FAM135B: variants seen among roughly 807,000 people sequenced by gnomAD.
The protein encoded by FAM135B is protein FAM135B.
In FAM135B, 43 loss-of-function variants were observed where a neutral mutation model predicts 127.7. The ratio of observed to expected loss-of-function variants is 0.34; its 90% CI spans 0.26 to 0.43. The LOEUF (loss-of-function observed/expected upper bound fraction) is 0.43. FAM135B is among the 20% of genes least tolerant of loss of function. The pLI is 1.00. For missense variants in FAM135B, 1,558 were observed against 1,725.6 expected, an observed-to-expected ratio of 0.90 and a Z score of 1.72; for synonymous variants, 670 against 665.1, an observed-to-expected ratio of 1.01 and a Z score of -0.11.
chr8:138,330,538 C>T (rs1415554390), intron 2 of FAM135B, among the ~76,000 whole-genome samples: 1 of 152,148 alleles, frequency 6.6e-6, no homozygotes, highest in Non-Finnish European at 1.5e-5. Flanking sequence ...AATCACTGCC[C>T]TGTGCTGCCG....
chr8:138,132,793 C>G lies in FAM135B; in HGVS notation c.4021G>C (p.Val1341Leu), dbSNP rs2130490513. 1 of 1,613,990 alleles carries G rather than the reference C, an allele frequency of 6.2e-7. No homozygotes were observed. Among genetic ancestry groups the G allele is most frequent in the South Asian group, 1.1e-5 (1 of 91,084 alleles). Reference sequence around the variant, plus strand: ...AGGTTGTTGATCATTTCTGCATAAACTGGCCCTGTAAAGTGGGGAAGAAGG... The same window carrying G: ...AGGTTGTTGATCATTTCTGCATAAAGTGGCCCTGTAAAGTGGGGAAGAAGG... ...TALKDRHTGPVYAEMINNLLG... is the reference protein window; with the variant it reads ...TALKDRHTGPLYAEMINNLLG... Residue 1341 changes from valine to leucine, a missense_variant, in exon 20 of 20, where the codon GTT (valine) becomes CTT (leucine). Physicochemically the swap from Val to Leu is conservative, Grantham distance 32 (BLOSUM62 1). This residue lies in a region of FAM135B where 194 missense variants were observed against 333.8 expected (regional missense o/e 0.58). Transcript: ENST00000395297. This position sits in a 1 kb window ranked among gnomAD's most constrained non-coding sequence, Gnocchi z 4.5.
chr8:138,145,395 T>C (rs920244211), intron 15 of FAM135B, among the ~76,000 whole-genome samples: 1 of 152,174 alleles, frequency 6.6e-6, no homozygotes, highest in African/African-American at 2.4e-5. Context: ...GGAGATCATA[T>C]ATAGTATCCT....
chr8:138,244,048 AGG>A (rs1364993636), intron 6 of FAM135B, among the ~76,000 whole-genome samples: 1 of 152,216 alleles, frequency 6.6e-6, no homozygotes, highest in Non-Finnish European at 1.5e-5. Context: ...CAAGAGATCC[AGG>A]TTCCTGCTTA....
At chr8:138,399,147 T>G (rs1028225460) in intron 1 of FAM135B, among the ~76,000 whole-genome samples, 3 of 152,194 alleles carry the variant, frequency 2.0e-5, no homozygotes, top group Non-Finnish European at 4.4e-5. Flanking sequence ...TTTTTTTCCC[T>G]GGGACAGTCT....
At chr8:138,270,972 C>A (rs6577903) in intron 3 of FAM135B, among the ~76,000 whole-genome samples, 3 of 152,014 alleles carry the variant, frequency 2.0e-5, no homozygotes, top group African/African-American at 7.2e-5. Context: ...TTCTAAAGAC[C>A]TATGCTTCAA....
chr8:138,420,043 A>G (rs1834399269), intron 1 of FAM135B, among the ~76,000 whole-genome samples: 1 of 152,142 alleles, frequency 6.6e-6, no homozygotes, highest in African/African-American at 2.4e-5. Flanking sequence ...AAAGATCAAC[A>G]AAACCAAAAT....
intron 2 of FAM135B, among the ~76,000 whole-genome samples, chr8:138,311,335 C>A (rs1447981664): frequency 6.6e-6 from 1 of 152,220 alleles, no homozygotes; most frequent in Non-Finnish European, 1.5e-5. Flanking sequence ...ACAAAAACCA[C>A]TTCCTTTAGT....
At chr8:138,460,441 A>G (rs1354064743) in intron 1 of FAM135B, among the ~76,000 whole-genome samples, 1 of 152,164 alleles carries the variant, frequency 6.6e-6, no homozygotes, top group African/African-American at 2.4e-5. Context: ...GGAAGTGAAG[A>G]TAAAGGGACA....
intron 1 of FAM135B, among the ~76,000 whole-genome samples, chr8:138,436,282 G>GA (rs1165882704): frequency 6.6e-6 from 1 of 152,084 alleles, no homozygotes; most frequent in African/African-American, 2.4e-5. Flanking sequence ...ATAAATTGCT[G>GA]AAAAAAATCA....
At chr8:138,375,266 A>G (rs191503228) in intron 1 of FAM135B, among the ~76,000 whole-genome samples, 1 of 152,280 alleles carries the variant, frequency 6.6e-6, no homozygotes, top group Admixed American at 6.5e-5. Flanking sequence ...TTTTGTCAAA[A>G]ATCAAATTCC....
chr8:138,160,534 A>T (rs571480900), intron 12 of FAM135B, among the ~76,000 whole-genome samples: 2 of 149,258 alleles, frequency 1.3e-5, no homozygotes, highest in Admixed American at 6.7e-5. Context: ...GATTACAGGC[A>T]CATGCCACCA....
intron 7 of FAM135B, among the ~76,000 whole-genome samples, chr8:138,199,937 G>A (rs914502985): frequency 6.6e-6 from 1 of 152,184 alleles, no homozygotes; most frequent in Non-Finnish European, 1.5e-5. Context: ...GGGACACAGA[G>A]CCAAACCCTA....
intron 7 of FAM135B, among the ~76,000 whole-genome samples, chr8:138,224,042 T>G (rs1586817424): frequency 6.7e-6 from 1 of 149,702 alleles, no homozygotes. Context: ...AGGACGGGGG[T>G]GGGGGGCAAG....
intron 7 of FAM135B, among the ~76,000 whole-genome samples, chr8:138,206,319 C>T (rs1417819831): frequency 6.6e-6 from 1 of 151,494 alleles, no homozygotes; most frequent in African/African-American, 2.4e-5. Flanking sequence ...CTACCCACAG[C>T]TCTATCATCC....
intron 2 of FAM135B, among the ~76,000 whole-genome samples, chr8:138,348,064 A>G (rs1372955493): frequency 6.6e-6 from 1 of 151,178 alleles, no homozygotes; most frequent in Non-Finnish European, 1.5e-5. Context: ...TCATGTTCCA[A>G]GGAGAAGGCT....
At chr8:138,239,812 T>C (rs1586853866) in intron 7 of FAM135B, among the ~76,000 whole-genome samples, 3 of 152,182 alleles carry the variant, frequency 2.0e-5, no homozygotes, top group Admixed American at 1.3e-4. Flanking sequence ...TGGAATACTA[T>C]GCAGCCATAA....
intron 1 of FAM135B, among the ~76,000 whole-genome samples, chr8:138,405,522 G>C (rs1385747526): frequency 6.6e-6 from 1 of 151,674 alleles, no homozygotes; most frequent in Admixed American, 6.6e-5. Context: ...TTTCATCCAT[G>C]TCCCCACAAA....
At chr8:138,269,693 C>T (rs1314646251) in intron 3 of FAM135B, among the ~76,000 whole-genome samples, 3 of 152,224 alleles carry the variant, frequency 2.0e-5, no homozygotes, top group Admixed American at 2.0e-4. Context: ...TCCCCACTTT[C>T]CAGCTGTGTG....
chr8:138,412,380 T>C (rs1268431499), intron 1 of FAM135B, among the ~76,000 whole-genome samples: 1 of 152,106 alleles, frequency 6.6e-6, no homozygotes, highest in East Asian at 1.9e-4. Flanking sequence ...TGTGACAAAA[T>C]AAACGTTTTT....
Sources: gnomAD v4.1 joint callset for allele counts (sites outside exome capture counted in the v4.1 genomes callset) on GRCh38, gnomAD v4.1.1 for gene constraint, gnomAD v4.1.1 regional missense constraint, Gnocchi (gnomAD v3.1) non-coding constraint, MANE v1.5 for transcripts, NCBI Gene and HGNC (gene_info 2026-07-23, HGNC 2026-07-21) for gene names.